NUP153: variants seen among roughly 807,000 people sequenced by gnomAD.
NUP153 encodes nuclear pore complex protein Nup153.
A neutral mutation model predicts 134.6 loss-of-function variants in NUP153; 27 were observed. That is an observed-to-expected ratio of 0.20 (90% CI 0.15 to 0.28). NUP153 has a LOEUF of 0.28. Among genes scored for constraint, NUP153 ranks in the 10% least tolerant of loss-of-function variants. The pLI, the probability that NUP153 is intolerant of heterozygous loss-of-function variation, is 1.00. For missense variants in NUP153, 1,821 were observed against 1,731.3 expected, an observed-to-expected ratio of 1.05 and a Z score of -0.92; for synonymous variants, 640 against 623.5, an observed-to-expected ratio of 1.03 and a Z score of -0.40.
At position 17,675,138 on chromosome 6, in the gene NUP153, A is replaced by G; in HGVS notation, c.723+91T>C. Reference sequence around the variant, plus strand: ...TACACACTCAAGCCTGGGCAACAGCAAAAGACTCTTGTCTCAGAAAAAAAA... The same window carrying G: ...TACACACTCAAGCCTGGGCAACAGCGAAAGACTCTTGTCTCAGAAAAAAAA... On this transcript the variant is annotated intron_variant, in intron 4 of 21. Coordinates refer to ENST00000262077, the MANE Select transcript of NUP153 (RefSeq NM_005124.4). This position sits in a 1 kb window ranked among gnomAD's most constrained non-coding sequence, Gnocchi z 4.4. 1 of 1,552,290 alleles carries G rather than the reference A, an allele frequency of 6.4e-7. No homozygotes were observed.
At chr6:17,666,112 C>A (rs1767520700) in intron 8 of NUP153, among the ~76,000 whole-genome samples, 2 of 151,920 alleles carry the variant, frequency 1.3e-5, no homozygotes, top group African/African-American at 4.8e-5. Context: ...CAGGCATGAG[C>A]CACTGCACCT....
At chr6:17,644,986 TGAG>T (rs1050205936) in intron 14 of NUP153, among the ~76,000 whole-genome samples, 5 of 151,768 alleles carry the variant, frequency 3.3e-5, no homozygotes, top group East Asian at 1.9e-4. Context: ...CTCGGGAGGT[TGAG>T]GAGGAGAATG....
At position 17,618,877 on chromosome 6, in the gene NUP153, C is replaced by T. The variant is rs1427526831; in HGVS notation, c.4175-2182G>A. On this transcript the variant is annotated intron_variant, in intron 20 of 21. Coordinates refer to ENST00000262077, the MANE Select transcript of NUP153 (RefSeq NM_005124.4). ...CACTGCGCCCAGCAGAAGTTAAAAT[C>T]TCAACAGAATGGTAATGAAAGATAA... Among the ~76,000 whole-genome samples, 4 of 152,236 alleles carry T rather than the reference C, an allele frequency of 2.6e-5. No individual in the cohort carries two copies. In the East Asian group the frequency reaches 7.7e-4, roughly 29 times the overall value.
In NUP153 at chr6:17,637,669, T is replaced by A. The variant is rs146284308; in HGVS notation, c.1948A>T (p.Ile650Phe). 1 of 1,613,416 alleles carries A rather than the reference T, an allele frequency of 6.2e-7. No individual in the cohort carries two copies. The highest frequency in any genetic ancestry group is 8.5e-7 in the Non-Finnish European group (1 of 1,180,010). The change falls in exon 16 of 22, where the codon ATT becomes TTT. Residue 650 changes from isoleucine (I) to phenylalanine (F), a missense_variant. By Grantham distance (21) the Ile-to-Phe change is conservative. Transcript: ENST00000262077. ...PAISSFSSSG[I>F]GFGESLKAGS... The stretch of plus-strand genomic sequence containing the variant: ...GCTTTTAAACTCTCCCCAAACCCAA[T>A]TCCACTAGAAGAAAAGCTACTTATT...
At position 17,680,556 on chromosome 6, in the gene NUP153, T is replaced by C. The variant is rs1255461784; in HGVS notation, c.335-4786A>G. Among the ~76,000 whole-genome samples, 4 of 152,054 alleles carry C rather than the reference T, an allele frequency of 2.6e-5. No homozygotes were observed. On this transcript the variant is annotated intron_variant, in intron 2 of 21. Coordinates refer to ENST00000262077, the MANE Select transcript of NUP153 (RefSeq NM_005124.4). This position sits in a 1 kb window ranked among gnomAD's most constrained non-coding sequence, Gnocchi z 4.5. ...GACAATGATTTATCAGATACAACAC[T>C]AAAAGCACAGGCCATGGAAGCAAAA...
chr6:17,684,764 G>A (rs868366440), intron 2 of NUP153, among the ~76,000 whole-genome samples: 18 of 152,226 alleles, frequency 1.2e-4, no homozygotes, highest in African/African-American at 4.1e-4. Context: ...AACACTTAGA[G>A]GCCACTGTAA....
chr6:17,671,978 A>G (rs1354629502), intron 5 of NUP153, among the ~76,000 whole-genome samples: 1 of 152,190 alleles, frequency 6.6e-6, no homozygotes, highest in Admixed American at 6.5e-5. Flanking sequence ...ACAGCACTTC[A>G]GCTTGGGCAA....
At position 17,665,623 on chromosome 6, in the gene NUP153, A is replaced by G. The variant is rs117042400; in HGVS notation, c.1069-238T>C. On this transcript the variant is annotated intron_variant, in intron 8 of 21. Transcript: ENST00000262077. ...TCTAAAATGGCTTCACGGATACTCT[A>G]TATTTCATTCCAGACTTAATGACTT... Among the ~76,000 whole-genome samples, 33 of 152,294 alleles carry G rather than the reference A, an allele frequency of 2.2e-4. No homozygotes were observed. The East Asian group carries it at 6.0e-3, about 28-fold the overall frequency.
In NUP153 at chr6:17,625,714, T is replaced by G; in HGVS notation, c.3901+94A>C. 1.1e-6 allele frequency: 1 copy of G among 952,190 alleles called. No individual in the cohort carries two copies. Among genetic ancestry groups the G allele is most frequent in the Admixed American group, 2.1e-5 (1 of 47,412 alleles). 59.0% of individuals were successfully genotyped at this position (952,190 alleles called of 1,614,324 possible). ...TGACCAAAAGGCATTCCCACCATTTTGTGATAACCTGCTATATGATATTCG... is the reference window on the plus strand; with the variant it reads ...TGACCAAAAGGCATTCCCACCATTTGGTGATAACCTGCTATATGATATTCG... On this transcript the variant is annotated intron_variant, in intron 19 of 21. Coordinates refer to ENST00000262077, the MANE Select transcript of NUP153 (RefSeq NM_005124.4). This position sits in a 1 kb window ranked among gnomAD's most constrained non-coding sequence, Gnocchi z 4.7.
At chr6:17,702,323 C>T (rs745336507) in intron 1 of NUP153, among the ~76,000 whole-genome samples, 1 of 152,060 alleles carries the variant, frequency 6.6e-6, no homozygotes, top group Admixed American at 6.6e-5. Flanking sequence ...CTGGCTAACA[C>T]GGTGAAACCC....
At chr6:17,669,243 T>A (rs113930368) in intron 7 of NUP153, 50 bp downstream of exon 7, 113,417 of 1,517,410 alleles carry the variant, frequency 0.075, 4,811 homozygotes, top group Non-Finnish European at 0.084. Flanking sequence ...CACACCCGGC[T>A]AATTTTTGTA....
chr6:17,698,481 G>C (rs1477516674), intron 1 of NUP153, among the ~76,000 whole-genome samples: 1 of 152,142 alleles, frequency 6.6e-6, no homozygotes, highest in Non-Finnish European at 1.5e-5. Flanking sequence ...GCTCACGCCT[G>C]TAACCCCAGC....
At chr6:17,622,046 C>CT (rs1423874702) in intron 20 of NUP153, among the ~76,000 whole-genome samples, 2 of 151,928 alleles carry the variant, frequency 1.3e-5, no homozygotes, top group African/African-American at 2.4e-5. Flanking sequence ...AAAATTAATG[C>CT]TTTGTGTTTT....
chr6:17,704,595 T>G (rs1770351622), intron 1 of NUP153, among the ~76,000 whole-genome samples: 1 of 152,130 alleles, frequency 6.6e-6, no homozygotes, highest in Non-Finnish European at 1.5e-5. Flanking sequence ...TGTACATATC[T>G]GGGGGAAAAC....
At chr6:17,661,927 G>C in intron 10 of NUP153, 91 bp downstream of exon 10, 1 of 1,267,036 alleles carries the variant, frequency 7.9e-7, no homozygotes, top group Non-Finnish European at 1.1e-6. Context: ...TCTGTTCTTT[G>C]ATTTTAATCT....
Position 17,637,195 on chromosome 6 carries a change from CATT to C in NUP153, c.2419_2421del (p.Asn807del), listed in dbSNP as rs766636477. The stretch of plus-strand genomic sequence containing the variant: ...CAGGACACACACTTATTGTCTTCTG[CATT>C]ATTAGAAACACAGCATACTGAACAC... On this transcript the variant is annotated inframe_deletion, in exon 16 of 22. Coordinates refer to ENST00000262077, the MANE Select transcript of NUP153 (RefSeq NM_005124.4). 6.2e-6 allele frequency: 10 copies of C among 1,613,858 alleles called. No homozygotes were observed. The African/African-American group carries it at 1.2e-4, about 19-fold the overall frequency.
intron 17 of NUP153, among the ~76,000 whole-genome samples, chr6:17,630,554 T>C (rs551428625): frequency 5.1e-4 from 77 of 152,058 alleles, no homozygotes; most frequent in African/African-American, 1.7e-3. Context: ...TCTCAGCTGC[T>C]TGAGAGGCTG....
Position 17,704,880 on chromosome 6 carries a change from C to T in NUP153, c.111+1397G>A, listed in dbSNP as rs576870168. ...GTTCAAGCCATTCTCCTGCCTCAGC[C>T]TCCCAAGTAGCTGGGACTACAGGCG... On this transcript the variant is annotated intron_variant, in intron 1 of 21. Transcript: ENST00000262077. Among the ~76,000 whole-genome samples, 10 of 152,224 alleles carry T rather than the reference C, an allele frequency of 6.6e-5. No homozygotes were observed. The East Asian group carries it at 1.9e-3, about 29-fold the overall frequency.
chr6:17,698,224 C>T (rs569078787), intron 1 of NUP153, among the ~76,000 whole-genome samples: 12 of 152,286 alleles, frequency 7.9e-5, no homozygotes, highest in South Asian at 2.1e-4. Context: ...GGGTAAACTT[C>T]GCTGCTGAAT....
Sources: allele counts gnomAD v4.1 joint callset (sites outside exome capture counted in the v4.1 genomes callset), GRCh38; gene constraint gnomAD v4.1.1; non-coding constraint Gnocchi (gnomAD v3.1); transcripts MANE v1.5; gene names NCBI Gene and HGNC (gene_info 2026-07-23, HGNC 2026-07-21).